The following IL15 variants were observed in gnomAD, a reference collection of about 807,000 sequenced individuals.
The protein encoded by IL15 is interleukin 15.
IL15 carries 11 observed loss-of-function variants against 19.6 expected under a neutral mutation model. The observed-to-expected ratio is 0.56, with a 90% CI of 0.35 to 0.93. The LOEUF (loss-of-function observed/expected upper bound fraction) is 0.93, where lower values mean the gene tolerates loss of function less well. Among genes scored for constraint, IL15 ranks in the 40% least tolerant of loss-of-function variants. The pLI, the probability that IL15 is intolerant of heterozygous loss-of-function variation, is 0.01. For missense variants in IL15, 197 were observed against 186.5 expected (o/e 1.06, Z -0.33); for synonymous variants, 58 against 59.6 (o/e 0.97, Z 0.12).
At chr4:141,644,851 G>C (rs1407763982) in intron 1 of IL15, among the ~76,000 whole-genome samples, 1 of 152,158 alleles carries the variant, frequency 6.6e-6, no homozygotes, top group Non-Finnish European at 1.5e-5. Context: ...AGTCTAAATA[G>C]AGCCGGCATA....
At chr4:141,649,267 T>C (rs774370089) in intron 1 of IL15, among the ~76,000 whole-genome samples, 2 of 152,076 alleles carry the variant, frequency 1.3e-5, no homozygotes, top group Non-Finnish European at 2.9e-5. Flanking sequence ...TTAACTTCAT[T>C]CCATAAATAT....
chr4:141,678,753 C>T (rs1177625975), intron 2 of IL15, among the ~76,000 whole-genome samples: 1 of 152,014 alleles, frequency 6.6e-6, no homozygotes, highest in Admixed American at 6.5e-5. Flanking sequence ...AGGCACGTGC[C>T]ACCACACCCG....
chr4:141,639,243 A>C (rs544779670), intron 1 of IL15, among the ~76,000 whole-genome samples: 112 of 152,160 alleles, frequency 7.4e-4, no homozygotes, highest in South Asian at 1.7e-3. Flanking sequence ...GGATGGTATT[A>C]TTTGCATACA....
chr4:141,731,395 T>C (rs1474888936), intron 7 of IL15, among the ~76,000 whole-genome samples: 1 of 152,214 alleles, frequency 6.6e-6, no homozygotes, highest in Non-Finnish European at 1.5e-5. Context: ...GAACAGTGTC[T>C]CATATATATT....
chr4:141,661,621 C>G (rs1424574983), intron 2 of IL15, among the ~76,000 whole-genome samples: 1 of 152,134 alleles, frequency 6.6e-6, no homozygotes, highest in Non-Finnish European at 1.5e-5. Flanking sequence ...AAGTTAACAG[C>G]CTGTGTGGCT....
intron 2 of IL15, among the ~76,000 whole-genome samples, chr4:141,657,983 T>C (rs1727663262): frequency 6.6e-6 from 1 of 152,214 alleles, no homozygotes; most frequent in African/African-American, 2.4e-5. Flanking sequence ...TAAGTGTGTT[T>C]CCACCAGCAT....
At chr4:141,697,916 G>T (rs1268160786) in intron 2 of IL15, among the ~76,000 whole-genome samples, 1 of 151,986 alleles carries the variant, frequency 6.6e-6, no homozygotes, top group Admixed American at 6.6e-5. Flanking sequence ...TCTTGTTCCA[G>T]TTCTCAGGGG....
At chr4:141,719,975 T>A (rs965948304) in intron 3 of IL15, among the ~76,000 whole-genome samples, 1 of 152,152 alleles carries the variant, frequency 6.6e-6, no homozygotes, top group Non-Finnish European at 1.5e-5. Context: ...GAATACAGTA[T>A]CTGTAATTGG....
At chr4:141,730,112 T>C (rs17007610) in intron 7 of IL15, 128 bp downstream of exon 7, 365,716 of 747,236 alleles carry the variant, frequency 0.49, 90,675 homozygotes, top group South Asian at 0.57. Flanking sequence ...AGTGGAGTGG[T>C]GTGCAAAAGT....
chr4:141,693,016 C>CAAAA lies in IL15; in HGVS notation c.-99-26327_-99-26324dup, dbSNP rs70949131. Among the ~76,000 whole-genome samples the CAAAA allele has an allele frequency of 2.0e-3, 46 of 23,240 alleles. 9 individuals are homozygous for CAAAA. Among genetic ancestry groups the CAAAA allele is most frequent in the African/African-American group, 3.8e-3 (24 of 6,314 alleles). 15.2% of individuals were successfully genotyped at this position (23,240 alleles called of 152,430 possible). A position where few individuals can be genotyped will look rare whatever the true frequency, so the allele number is the denominator to read the frequency against. On this transcript the variant is annotated intron_variant, in intron 2 of 7. Transcript: ENST00000320650. ...AGGGGAACAGAGCAAGACTCCGTCTCAAAAAAAAAAAAAAAAAAAAAAAAA... is the reference window on the plus strand; with the variant it reads ...AGGGGAACAGAGCAAGACTCCGTCTCAAAAAAAAAAAAAAAAAAAAAAAAAAAAA...
intron 2 of IL15, among the ~76,000 whole-genome samples, chr4:141,676,627 G>A (rs1045968586): frequency 6.6e-6 from 1 of 152,208 alleles, no homozygotes; most frequent in Non-Finnish European, 1.5e-5. Context: ...AATTGAAAAT[G>A]TCGTTGTTAT....
intron 2 of IL15, among the ~76,000 whole-genome samples, chr4:141,666,549 A>G (rs78835619): frequency 0.024 from 3,582 of 151,896 alleles, 141 homozygotes; most frequent in African/African-American, 0.081. Flanking sequence ...GTAAAGATTT[A>G]GTTTCACCAT....
intron 1 of IL15, among the ~76,000 whole-genome samples, chr4:141,643,014 G>A (rs1231467092): frequency 6.6e-6 from 1 of 152,136 alleles, no homozygotes; most frequent in African/African-American, 2.4e-5. Context: ...AAGTAATATA[G>A]CAAAACAATG....
chr4:141,730,025 T>G (rs1466245807), intron 7 of IL15, 41 bp downstream of exon 7: 1 of 1,528,472 alleles, frequency 6.5e-7, no homozygotes. Flanking sequence ...ATCTTATGTT[T>G]TGGGCCTGAT....
chr4:141,662,262 T>G (rs1200752159), intron 2 of IL15, among the ~76,000 whole-genome samples: 1 of 152,252 alleles, frequency 6.6e-6, no homozygotes, highest in Non-Finnish European at 1.5e-5. Context: ...ACTTTTTCTT[T>G]TACTGTGTAT....
chr4:141,691,236 C>G (rs1438157823), intron 2 of IL15, among the ~76,000 whole-genome samples: 1 of 152,074 alleles, frequency 6.6e-6, no homozygotes, highest in Admixed American at 6.5e-5. Context: ...GGAAATTGCC[C>G]CTATGATCCA....
At chr4:141,706,116 G>T (rs1729505912) in intron 2 of IL15, among the ~76,000 whole-genome samples, 2 of 151,258 alleles carry the variant, frequency 1.3e-5, no homozygotes, top group Non-Finnish European at 3.0e-5. Context: ...TCTGGTTATG[G>T]TTATTTCGTA....
chr4:141,683,480 A>G (rs140302683), intron 2 of IL15, among the ~76,000 whole-genome samples: 4 of 151,564 alleles, frequency 2.6e-5, no homozygotes, highest in African/African-American at 9.7e-5. Flanking sequence ...CTGAGGCAGG[A>G]AAATTGCTTG....
intron 1 of IL15, among the ~76,000 whole-genome samples, chr4:141,653,726 G>A (rs907301510): frequency 1.3e-5 from 2 of 152,084 alleles, no homozygotes; most frequent in African/African-American, 4.8e-5. Flanking sequence ...CCTACTGATG[G>A]ACATTTAGGT....
Sources: gnomAD v4.1 joint callset for allele counts (sites outside exome capture counted in the v4.1 genomes callset) on GRCh38, gnomAD v4.1.1 for gene constraint, MANE v1.5 for transcripts, NCBI Gene and HGNC (gene_info 2026-07-23, HGNC 2026-07-21) for gene names.